WRN: variants seen among roughly 807,000 people sequenced by gnomAD.
The protein encoded by WRN is WRN RecQ like helicase.
Under a neutral mutation model 180.7 loss-of-function variants are expected in WRN, and 149 were observed. The ratio of observed to expected loss-of-function variants is 0.82; its 90% CI spans 0.72 to 0.94. The LOEUF (loss-of-function observed/expected upper bound fraction) is 0.94, where lower values mean the gene tolerates loss of function less well. Among genes scored for constraint, WRN ranks in the 40% least tolerant of loss-of-function variants. The pLI, the probability that WRN is intolerant of heterozygous loss-of-function variation, is 0.00. For missense variants in WRN, 1,661 were observed against 1,700.1 expected (o/e 0.98, Z 0.40); for synonymous variants, 548 against 568.9 (o/e 0.96, Z 0.52).
At chr8:31,109,771 TTAAA>T (rs1266532361) in intron 18 of WRN, among the ~76,000 whole-genome samples, 2 of 152,174 alleles carry the variant, frequency 1.3e-5, no homozygotes, top group African/African-American at 2.4e-5. Flanking sequence ...GCTTAGAGAG[TTAAA>T]TAAAGAGCTC....
chr8:31,143,192 C>T (rs1486926256), intron 27 of WRN, among the ~76,000 whole-genome samples: 1 of 152,090 alleles, frequency 6.6e-6, no homozygotes, highest in African/African-American at 2.4e-5. Context: ...AATTAGAACA[C>T]TGGAATAATA....
chr8:31,146,154 A>G (rs1171606405), intron 28 of WRN, among the ~76,000 whole-genome samples: 1 of 151,794 alleles, frequency 6.6e-6, no homozygotes, highest in African/African-American at 2.4e-5. Context: ...TTTCTGAATG[A>G]CACGCTTAGA....
At position 31,067,044 on chromosome 8, in the gene WRN, A is replaced by G. The variant is rs1271302052; in HGVS notation, c.516A>G (p.Thr172=). ...TDVANKKLKC[T]ETWSLNSLVK... ...TTCATCATTTCTAGCTGAAATGCAC[A>G]GAGACCTGGAGCCTTAACAGTCTGG... is the stretch of plus-strand genomic sequence containing the variant. Residue 172 remains threonine (T), a synonymous_variant, in exon 6 of 35, where the codon ACA becomes ACG. Coordinates refer to ENST00000298139, the MANE Select transcript of WRN (RefSeq NM_000553.6). 3 of 1,613,852 alleles carry G rather than the reference A, an allele frequency of 1.9e-6. No individual in the cohort carries two copies. The Admixed American group carries it at 5.0e-5, about 27-fold the overall frequency.
chr8:31,097,951 G>T (rs879324193), intron 17 of WRN, among the ~76,000 whole-genome samples: 1 of 151,974 alleles, frequency 6.6e-6, no homozygotes, highest in Non-Finnish European at 1.5e-5. Context: ...TTCCAGATAG[G>T]TTAGGTTTTC....
intron 6 of WRN, 57 bp from the exon 7 acceptor site, chr8:31,068,201 A>C: frequency 1.5e-6 from 2 of 1,295,464 alleles, no homozygotes; most frequent in Non-Finnish European, 2.2e-6. Context: ...GATGGGACTT[A>C]CTGTTTTATT....
chr8:31,058,597 T>C (rs1451596965), intron 2 of WRN, 54 bp downstream of exon 2: 168 of 1,557,090 alleles, frequency 1.1e-4, no homozygotes, highest in Non-Finnish European at 1.4e-4. Flanking sequence ...TATATTTGAC[T>C]GTGCAAAGAG....
intron 31 of WRN, among the ~76,000 whole-genome samples, chr8:31,151,121 G>T (rs1427486725): frequency 6.6e-6 from 1 of 152,142 alleles, no homozygotes; most frequent in Admixed American, 6.5e-5. Context: ...CCTTACAGTT[G>T]TTCACCTGGT....
At chr8:31,144,263 C>T (rs753392520) in intron 28 of WRN, among the ~76,000 whole-genome samples, 4 of 151,552 alleles carry the variant, frequency 2.6e-5, no homozygotes, top group South Asian at 2.1e-4. Context: ...TCCCTCTCCT[C>T]GGGTCTCCCT....
chr8:31,099,074 AAG>A (rs1278912544), intron 17 of WRN, among the ~76,000 whole-genome samples: 3 of 150,458 alleles, frequency 2.0e-5, no homozygotes, highest in Admixed American at 6.6e-5. Flanking sequence ...GAAAGAAAGA[AAG>A]AGAGAGAGAG....
At position 31,065,960 on chromosome 8, in the gene WRN, C is replaced by A. The variant is rs997882745; in HGVS notation, c.504+897C>A. ...ATGGTGTGATCTCAGCTCACTGCAA[C>A]CTCCACCTCCTGGGTTTAAGTGGTT... is the stretch of plus-strand genomic sequence containing the variant. On this transcript the variant is annotated intron_variant, in intron 5 of 34. Coordinates refer to ENST00000298139, the MANE Select transcript of WRN (RefSeq NM_000553.6). 7.5e-4 allele frequency among the ~76,000 whole-genome samples: 112 copies of A among 150,302 alleles called. 2 individuals are homozygous for A. The highest frequency in any genetic ancestry group is 3.5e-4 in the Non-Finnish European group (24 of 67,734).
At chr8:31,109,954 C>A (rs1470947470) in intron 18 of WRN, among the ~76,000 whole-genome samples, 1 of 152,088 alleles carries the variant, frequency 6.6e-6, no homozygotes, top group Non-Finnish European at 1.5e-5. Context: ...AATATATTAC[C>A]TGCTCACTTA....
chr8:31,051,473 G>T (rs1221402039), intron 1 of WRN, among the ~76,000 whole-genome samples: 1 of 152,074 alleles, frequency 6.6e-6, no homozygotes, highest in Non-Finnish European at 1.5e-5. Flanking sequence ...AATCTTATTG[G>T]CGTGATTTCT....
At position 31,125,551 on chromosome 8, in the gene WRN, T is replaced by TATATATATATATATAG. The variant is rs1486847191; in HGVS notation, c.2825+566_2825+567insGATATATATATATATA. ...GATATTATGGAGATATATATATATATATATATATATATATATATGGGGAGG... is the reference window on the plus strand; with the variant it reads ...GATATTATGGAGATATATATATATATATATATATATATATAGATATATATATATATATATGGGGAGG... On this transcript the variant is annotated intron_variant, in intron 23 of 34. Coordinates refer to ENST00000298139, the MANE Select transcript of WRN (RefSeq NM_000553.6). 4.8e-5 allele frequency among the ~76,000 whole-genome samples: 6 copies of TATATATATATATATAG among 126,266 alleles called. 1 individual carries two copies. The highest frequency in any genetic ancestry group is 1.7e-4 in the African/African-American group (6 of 34,854). The allele number at this position is 126,266 out of a possible 152,430, so 82.8% of individuals were successfully genotyped here. A position where few individuals can be genotyped will look rare whatever the true frequency, so the allele number is the denominator to read the frequency against.
At chr8:31,124,254 G>C (rs1222608736) in intron 21 of WRN, among the ~76,000 whole-genome samples, 1 of 151,988 alleles carries the variant, frequency 6.6e-6, no homozygotes, top group Non-Finnish European at 1.5e-5. Context: ...CTTTTTCAAA[G>C]CAGCTAAAGA....
intron 28 of WRN, among the ~76,000 whole-genome samples, chr8:31,145,127 GA>G (rs1255679035): frequency 6.6e-6 from 1 of 152,148 alleles, no homozygotes; most frequent in African/African-American, 2.4e-5. Flanking sequence ...TTATCCAGAA[GA>G]TCTAGCTAAG....
intron 1 of WRN, among the ~76,000 whole-genome samples, chr8:31,052,307 T>C (rs2129971575): frequency 6.6e-6 from 1 of 152,354 alleles, no homozygotes; most frequent in South Asian, 2.1e-4. Flanking sequence ...CCATTTGCAA[T>C]TGTGAGATAA....
rs1261469062 is a variant in WRN at position 31,127,028 on chromosome 8, G to A, written c.2825+2028G>A. 2.0e-5 allele frequency among the ~76,000 whole-genome samples: 3 copies of A among 152,276 alleles called. No individual in the cohort carries two copies. The East Asian group carries it at 5.8e-4, about 29-fold the overall frequency. On this transcript the variant is annotated intron_variant, in intron 23 of 34. Coordinates refer to ENST00000298139, the MANE Select transcript of WRN (RefSeq NM_000553.6). ...ATCTCAAGCTAATTAAACTTACAGT[G>A]AATTAGATAACCTGCATAGTGTTAC...
intron 18 of WRN, among the ~76,000 whole-genome samples, chr8:31,104,400 A>G (rs1302360619): frequency 6.6e-6 from 1 of 152,156 alleles, no homozygotes; most frequent in African/African-American, 2.4e-5. Flanking sequence ...TTGAGTTTTA[A>G]GAGTTTAAAA....
At chr8:31,061,669 G>C (rs1380886966) in intron 3 of WRN, among the ~76,000 whole-genome samples, 1 of 152,030 alleles carries the variant, frequency 6.6e-6, no homozygotes. Flanking sequence ...TTTCAAGCTT[G>C]ATCAGGGAAA....
Sources: gnomAD v4.1 joint callset for allele counts (sites outside exome capture counted in the v4.1 genomes callset) on GRCh38, gnomAD v4.1.1 for gene constraint, MANE v1.5 for transcripts, NCBI Gene and HGNC (gene_info 2026-07-23, HGNC 2026-07-21) for gene names.